CIMAP2: variants seen among roughly 807,000 people sequenced by gnomAD.
CIMAP2 encodes the protein ciliary microtubule associated protein 2.
At chr1:54,817,542 C>G in the CIMAP2 span, among the ~76,000 whole-genome samples, 1 of 152,128 alleles carries the variant, frequency 6.6e-6, no homozygotes, top group Non-Finnish European at 1.5e-5. Flanking sequence ...TGGTAAAACT[C>G]ATTTCAGAAG....
chr1:54,807,192 C>T, the CIMAP2 span: 1 of 1,218,100 alleles, frequency 8.2e-7, no homozygotes, highest in Non-Finnish European at 1.2e-6. Context: ...TACTTTCTAC[C>T]TTCTTCCAGC....
the CIMAP2 span, chr1:54,817,265 G>A: frequency 5.9e-6 from 7 of 1,181,034 alleles, no homozygotes; most frequent in African/African-American, 1.5e-5. Flanking sequence ...AGGCAGTGGA[G>A]GGACGTTCAC....
chr1:54,811,775 C>CGGGGGGGGGGGG, the CIMAP2 span: 1 of 484,774 alleles, frequency 2.1e-6, no homozygotes, highest in Non-Finnish European at 4.0e-6. Flanking sequence ...GCCTCCATGC[C>CGGGGGGGGGGGG]CCCACCCCCG....
At chr1:54,811,117 G>A in the CIMAP2 span, among the ~76,000 whole-genome samples, 2 of 152,180 alleles carry the variant, frequency 1.3e-5, no homozygotes, top group African/African-American at 4.8e-5. Flanking sequence ...CCTATCCCAT[G>A]GTACCAGTAT....
At chr1:54,825,335 G>A in the CIMAP2 span, among the ~76,000 whole-genome samples, 2 of 152,062 alleles carry the variant, frequency 1.3e-5, no homozygotes, top group Non-Finnish European at 1.5e-5. Flanking sequence ...ACAGGTGTGA[G>A]CCACCACGCC....
At chr1:54,825,525 T>C in the CIMAP2 span, among the ~76,000 whole-genome samples, 2 of 152,158 alleles carry the variant, frequency 1.3e-5, no homozygotes, top group East Asian at 1.9e-4. Flanking sequence ...GGAGAGGCTA[T>C]AGCAAGGCTT....
chr1:54,821,010 C>G, the CIMAP2 span, among the ~76,000 whole-genome samples: 1 of 152,120 alleles, frequency 6.6e-6, no homozygotes, highest in African/African-American at 2.4e-5. Flanking sequence ...CTCAGGTGAT[C>G]CGCCCACCTT....
At chr1:54,827,142 C>G in the CIMAP2 span, among the ~76,000 whole-genome samples, 1 of 152,150 alleles carries the variant, frequency 6.6e-6, no homozygotes, top group Non-Finnish European at 1.5e-5. Flanking sequence ...AAAACCAGGA[C>G]CAGAGAGAGG....
chr1:54,812,568 G>A, the CIMAP2 span, among the ~76,000 whole-genome samples: 1 of 152,182 alleles, frequency 6.6e-6, no homozygotes, highest in Non-Finnish European at 1.5e-5. Flanking sequence ...GGAAACAGCA[G>A]GCATTATAGA....
chr1:54,832,845 T>C, the CIMAP2 span, among the ~76,000 whole-genome samples: 4 of 151,980 alleles, frequency 2.6e-5, no homozygotes, highest in Non-Finnish European at 4.4e-5. Flanking sequence ...CTGGGCAACA[T>C]AGGGAGACCT....
At chr1:54,806,638 C>T in the CIMAP2 span, among the ~76,000 whole-genome samples, 1 of 142,370 alleles carries the variant, frequency 7.0e-6, no homozygotes, top group South Asian at 2.3e-4. Flanking sequence ...AGGCACAGTT[C>T]TAGGATCTGG....
At chr1:54,822,242 AC>A in the CIMAP2 span, among the ~76,000 whole-genome samples, 1 of 152,170 alleles carries the variant, frequency 6.6e-6, no homozygotes, top group South Asian at 2.1e-4. Context: ...GACTTCCAGT[AC>A]TGTGTTAAAT....
chr1:54,809,817 G>C, the CIMAP2 span, among the ~76,000 whole-genome samples: 1 of 151,794 alleles, frequency 6.6e-6, no homozygotes, highest in Non-Finnish European at 1.5e-5. Context: ...TTTTCACTGG[G>C]GGGCCTTCCC....
At chr1:54,807,750 G>T in the CIMAP2 span, 1 of 1,528,722 alleles carries the variant, frequency 6.5e-7, no homozygotes, top group Non-Finnish European at 8.8e-7. Flanking sequence ...GTCCATTGCA[G>T]CTGCTCTGTG....
At chr1:54,815,040 G>A in the CIMAP2 span, 2 of 1,614,116 alleles carry the variant, frequency 1.2e-6, no homozygotes, top group East Asian at 2.2e-5. Flanking sequence ...GGGAAGCTGG[G>A]TAAGTGGGTC....
the CIMAP2 span, chr1:54,814,074 C>T: frequency 7.3e-7 from 1 of 1,378,102 alleles, no homozygotes; most frequent in Non-Finnish European, 9.8e-7. Flanking sequence ...GGGAATAGCT[C>T]AGTCTTGGGA....
the CIMAP2 span, among the ~76,000 whole-genome samples, chr1:54,808,737 G>A: frequency 1.3e-5 from 2 of 152,084 alleles, no homozygotes; most frequent in Non-Finnish European, 2.9e-5. Flanking sequence ...GCAGCGCCAG[G>A]GGATGATGAT....
the CIMAP2 span, chr1:54,811,776 C>CGGGGGGGGGGGGG: frequency 6.1e-6 from 3 of 491,896 alleles, no homozygotes; most frequent in Non-Finnish European, 1.2e-5. Context: ...CCTCCATGCC[C>CGGGGGGGGGGGGG]CCACCCCCGC....
chr1:54,833,067 C>G, the CIMAP2 span, among the ~76,000 whole-genome samples: 1 of 152,052 alleles, frequency 6.6e-6, no homozygotes. Context: ...CAGAGGAGCT[C>G]CCATTGGATC....
Sources: gnomAD v4.1 joint callset for allele counts (sites outside exome capture counted in the v4.1 genomes callset) on GRCh38, gnomAD v4.1.1 for gene constraint, MANE v1.5 for transcripts, NCBI Gene and HGNC (gene_info 2026-07-23, HGNC 2026-07-21) for gene names.